Variants in FLNA observed in about 807,000 individuals in gnomAD.
FLNA encodes filamin-A.
Under a neutral mutation model 157.6 loss-of-function variants are expected in FLNA, and 7 were observed. The observed-to-expected ratio is 0.04, with a 90% confidence interval of 0.03 to 0.08. The LOEUF is 0.08. Ranked by LOEUF, FLNA falls within the 10% of genes least tolerant of loss-of-function variation. The pLI, the probability that FLNA is intolerant of heterozygous loss-of-function variation, is 1.00. For missense variants in FLNA, 1,750 were observed against 2,398.4 expected (o/e 0.73, Z 5.65); for synonymous variants, 1,103 against 1,060.8 (o/e 1.04, Z -0.77).
At chrX:154,369,220 C>G (rs1439240305) in intron 2 of FLNA, among the ~76,000 whole-genome samples, 2 of 112,566 alleles carry the variant, frequency 1.8e-5, no homozygotes, top group African/African-American at 6.4e-5. Flanking sequence ...CAGGTTGGTC[C>G]TGGCCCCACG....
At chrX:154,351,373 A>C (rs2067617638) in intron 43 of FLNA, 1 of 442,915 alleles carries the variant, frequency 2.3e-6, no homozygotes, top group Non-Finnish European at 3.9e-6. Context: ...AAGCCTTTAG[A>C]CCTGAGACAC....
Position 154,352,334 on chromosome X carries a change from C to T in FLNA, c.6616G>A (p.Glu2206Lys). 1 of 1,212,186 alleles carries T rather than the reference C, an allele frequency of 8.2e-7. No homozygotes were observed. Among genetic ancestry groups the T allele is most frequent in the South Asian group, 1.8e-5 (1 of 57,056 alleles). Residue 2206 changes from glutamate (E) to lysine (K), a missense_variant, in exon 41 of 48, where the codon GAG (glutamate) becomes AAG (lysine). Transcript: ENST00000369850. ...HTYCIRFVPA[E>K]MGTHTVSVKY... Reference sequence around the variant, plus strand: ...ACGCTGACTGTGTGTGTGCCCATCTCAGCGGGAACAAAGCGGATGCAGTAG... The same window carrying T: ...ACGCTGACTGTGTGTGTGCCCATCTTAGCGGGAACAAAGCGGATGCAGTAG...
intron 5 of FLNA, among the ~76,000 whole-genome samples, chrX:154,367,159 C>G (rs1421056814): frequency 2.7e-5 from 3 of 112,130 alleles, no homozygotes; most frequent in Non-Finnish European, 5.6e-5. Context: ...ATAAAGACCG[C>G]TGGATGCTAC....
chrX:154,351,349 CA>C (rs1423122671), intron 43 of FLNA: 7 of 439,060 alleles, frequency 1.6e-5, no homozygotes, highest in Non-Finnish European at 2.8e-5. Context: ...TCAAGGGGCA[CA>C]GGCTTCTGTT....
rs782394507 is a variant in FLNA at position 154,350,690 on chromosome X, G to A, written c.7156+219C>T. The A allele has an allele frequency of 1.4e-4, 61 of 431,945 alleles. No homozygotes were observed. The South Asian group carries it at 1.8e-3, about 13-fold the overall frequency. The allele number at this position is 431,945 out of a possible 1,213,427, so 35.6% of individuals were successfully genotyped here. ...ACTTTGAGTCTTTCCCTGTGGAGAT[G>A]GCATGGTACTGCAGGGTAGAAGGCC... is the stretch of plus-strand genomic sequence containing the variant. On this transcript the variant is annotated intron_variant, in intron 44 of 47. Transcript: ENST00000369850.
chrX:154,365,056 CTCA>C (rs1164656603), intron 11 of FLNA, 77 bp downstream of exon 11: 2 of 1,203,509 alleles, frequency 1.7e-6, no homozygotes, highest in Admixed American at 2.2e-5. Flanking sequence ...CATGTGGCCC[CTCA>C]TCATCAGGTG....
In FLNA at chrX:154,354,719, G is replaced by T; in HGVS notation, c.5218-8C>A. 8.3e-7 allele frequency: 1 copy of T among 1,207,586 alleles called. No homozygotes were observed. The highest frequency in any genetic ancestry group is 1.7e-5 in the African/African-American group (1 of 57,948). ...CTGGTCCCCAGCCAGAGCCTGCAGG[G>T]CAAAGCAGAGAGCTGCTGGAGAGTC... is the stretch of plus-strand genomic sequence containing the variant. On this transcript the variant is annotated splice_region_variant and splice_polypyrimidine_tract_variant and intron_variant, in intron 31 of 47. Coordinates refer to ENST00000369850, the MANE Select transcript of FLNA (RefSeq NM_001110556.2).
chrX:154,364,666 C>T lies in FLNA; in HGVS notation c.1882G>A (p.Asp628Asn), dbSNP rs782534475. The T allele has an allele frequency of 4.1e-6, 5 of 1,210,952 alleles. No individual in the cohort carries two copies. The highest frequency in any genetic ancestry group is 2.3e-4 in the Middle Eastern group (1 of 4,353). Residue 628 changes from aspartate to asparagine, a missense_variant, in exon 13 of 48, where the codon GAC becomes AAC. Physicochemically the swap from Asp to Asn is conservative, Grantham distance 23 (BLOSUM62 1). Around this residue, in one of 5 missense-constraint regions of FLNA, gnomAD observed 648 missense variants for 805.8 expected, o/e 0.80. Coordinates refer to ENST00000369850, the MANE Select transcript of FLNA (RefSeq NM_001110556.2). Reference protein sequence around the residue: ...QAKIECDDKGDGSCDVRYWPQ... With the variant: ...QAKIECDDKGNGSCDVRYWPQ... ...CAGTAGCGCACATCACAGGAGCCGT[C>T]GCCCTTGTCGTCACATTCGATCTTA...
chrX:154,352,275 G>C lies in FLNA; in HGVS notation c.6675C>G (p.Pro2225=). Residue 2225 remains proline (P), a synonymous_variant, in exon 41 of 48, where the codon CCC becomes CCG. Transcript: ENST00000369850. ...CTAGGGGCCCCACGGTGAACTGGAAGGGGCTCCCAGGCACGTGCTGGCCCT... is the reference window on the plus strand; with the variant it reads ...CTAGGGGCCCCACGGTGAACTGGAACGGGCTCCCAGGCACGTGCTGGCCCT... ...KYKGQHVPGS[P]FQFTVGPLGE... The C allele has an allele frequency of 1.7e-6, 2 of 1,212,024 alleles. No homozygotes were observed. Among genetic ancestry groups the C allele is most frequent in the Non-Finnish European group, 2.2e-6 (2 of 895,612 alleles).
intron 30 of FLNA, among the ~76,000 whole-genome samples, chrX:154,356,678 C>T (rs1223996596): frequency 8.9e-6 from 1 of 112,340 alleles, no homozygotes; most frequent in Non-Finnish European, 1.9e-5. Flanking sequence ...GGGAGACGGG[C>T]CACAGAATGC....
intron 2 of FLNA, 68 bp downstream of exon 2, chrX:154,370,805 C>A: frequency 2.6e-6 from 3 of 1,146,370 alleles, no homozygotes; most frequent in Non-Finnish European, 3.5e-6. Context: ...GAGGGGTCCG[C>A]CCGGGGAGAT....
In FLNA at chrX:154,349,484, G is replaced by A. The variant is rs1377674951; in HGVS notation, c.7634C>T (p.Pro2545Leu). The A allele has an allele frequency of 5.0e-6, 6 of 1,211,517 alleles. No homozygotes were observed. Among genetic ancestry groups the A allele is most frequent in the Non-Finnish European group, 6.7e-6 (6 of 895,427 alleles). The change falls in exon 47 of 48, where the codon CCC becomes CTC. Residue 2545 changes from proline to leucine, a missense_variant. Pro to Leu is a moderately conservative substitution (Grantham distance 98). Transcript: ENST00000369850. The stretch of plus-strand genomic sequence containing the variant: ...CCCAGGACCCGGGGCCCCATGCTGG[G>A]GGGCACAGGTGGCCTTGGTCAGAGA... ...VDSLTKATCAPQHGAPGPGPA... is the reference protein window; with the variant it reads ...VDSLTKATCALQHGAPGPGPA...
Position 154,361,776 on chromosome X carries a change from G to A in FLNA, c.2838C>T (p.Gly946=), listed in dbSNP as rs782612987. 2.6e-5 allele frequency: 31 copies of A among 1,200,041 alleles called. No individual in the cohort carries two copies. The highest frequency in any genetic ancestry group is 5.3e-5 in the South Asian group (3 of 56,461). Residue 946 remains glycine (G), a synonymous_variant, in exon 20 of 48, where the codon GGC becomes GGT. Coordinates refer to ENST00000369850, the MANE Select transcript of FLNA (RefSeq NM_001110556.2). ...GATCCCCTCCATAAGTGACATTGAC[G>A]CCTACTGGACCCTGGGAAGGGTGCA... is the stretch of plus-strand genomic sequence containing the variant. ...KYTPVQQGPV[G]VNVTYGGDPI...
chrX:154,355,090 G>A lies in FLNA; in HGVS notation c.4970-18C>T. ...GCCAGCACCTGGTGGGGCAGGGTGGGTCCCCAAAGGGGGGCCAGCGTGTGA... is the reference window on the plus strand; with the variant it reads ...GCCAGCACCTGGTGGGGCAGGGTGGATCCCCAAAGGGGGGCCAGCGTGTGA... On this transcript the variant is annotated intron_variant, in intron 30 of 47. Transcript: ENST00000369850. 1.7e-6 allele frequency: 2 copies of A among 1,197,044 alleles called. No individual in the cohort carries two copies. Among genetic ancestry groups the A allele is most frequent in the South Asian group, 1.8e-5 (1 of 55,592 alleles).
intron 15 of FLNA, among the ~76,000 whole-genome samples, chrX:154,363,748 G>A (rs1443519989): frequency 8.9e-6 from 1 of 111,763 alleles, no homozygotes; most frequent in Non-Finnish European, 1.9e-5. Context: ...AATTATAAAG[G>A]AACAAAGTGC....
chrX:154,350,236 C>T, intron 44 of FLNA, 29 bp from the exon 45 acceptor site: 1 of 1,186,886 alleles, frequency 8.4e-7, no homozygotes, highest in East Asian at 3.0e-5. Flanking sequence ...TGCTGTGGGC[C>T]TGGGGCCCCT....
In FLNA at chrX:154,359,897, G is replaced by A. The variant is rs1420631223; in HGVS notation, c.3814C>T (p.Arg1272Cys). 1.2e-5 allele frequency: 14 copies of A among 1,209,088 alleles called. No individual in the cohort carries two copies. Among genetic ancestry groups the A allele is most frequent in the Non-Finnish European group, 1.6e-5 (14 of 894,874 alleles). Residue 1272 changes from arginine (R) to cysteine (C), a missense_variant, in exon 23 of 48, where the codon CGT becomes TGT. Physicochemically the swap from Arg to Cys is radical, Grantham distance 180. Transcript: ENST00000369850. ...GPGIEGQGVF[R>C]EATTEFSVDA... is the part of the protein sequence containing the mutation. ...ACACTGAACTCAGTGGTGGCCTCAC[G>A]GAAGACACCTGCAAAGGCACAGAGA...
chrX:154,363,946 AC>A lies in FLNA; in HGVS notation c.2280+75del, dbSNP rs148985076. 236,284 of 1,099,086 alleles carry A rather than the reference AC, an allele frequency of 0.21. 18,363 individuals are homozygous for A. Among genetic ancestry groups the A allele is most frequent in the South Asian group, 0.53 (28,965 of 54,356 alleles). 90.6% of individuals were successfully genotyped at this position (1,099,086 alleles called of 1,213,427 possible). A position where few individuals can be genotyped will look rare whatever the true frequency, so the allele number is the denominator to read the frequency against. ...AGGGGAGTCAGGATGGTGTGCCACA[AC>A]CACTTGAAATGGACGAATCGTGTGC... On this transcript the variant is annotated intron_variant, in intron 15 of 47. Coordinates refer to ENST00000369850, the MANE Select transcript of FLNA (RefSeq NM_001110556.2).
Position 154,352,411 on chromosome X carries a change from C to T in FLNA, c.6539G>A (p.Ser2180Asn). The T allele has an allele frequency of 8.3e-7, 1 of 1,212,005 alleles. No individual in the cohort carries two copies. Among genetic ancestry groups the T allele is most frequent in the Non-Finnish European group, 1.1e-6 (1 of 895,611 alleles). Residue 2180 changes from serine to asparagine, a missense_variant, in exon 41 of 48, where the codon AGC becomes AAC. Ser to Asn is a conservative substitution (Grantham distance 46, BLOSUM62 1). This residue lies in a region of FLNA where 970 missense variants were observed against 1,302.6 expected (regional missense o/e 0.74). Transcript: ENST00000369850. Reference sequence around the variant, plus strand: ...GGCCTCATGGGTCTTGCCCGATGGGCTGGTCACCTGGGCTGTCATATCCTG... The same window carrying T: ...GGCCTCATGGGTCTTGCCCGATGGGTTGGTCACCTGGGCTGTCATATCCTG... ...SIQDMTAQVTSPSGKTHEAEI... is the reference protein window; with the variant it reads ...SIQDMTAQVTNPSGKTHEAEI...
Sources: gnomAD v4.1 joint callset for allele counts (sites outside exome capture counted in the v4.1 genomes callset) on GRCh38, gnomAD v4.1.1 for gene constraint, gnomAD v4.1.1 regional missense constraint, MANE v1.5 for transcripts, NCBI Gene and HGNC (gene_info 2026-07-23, HGNC 2026-07-21) for gene names.